Variants in RBFOX2 observed in about 807,000 individuals in gnomAD.
The protein encoded by RBFOX2 is RNA binding protein fox-1 homolog 2.
In RBFOX2, 10 loss-of-function variants were observed where a neutral mutation model predicts 49.1. The ratio of observed to expected loss-of-function variants is 0.20; its 90% CI spans 0.13 to 0.35. The LOEUF (loss-of-function observed/expected upper bound fraction) is 0.35, where lower values mean the gene tolerates loss of function less well. Among genes scored for constraint, RBFOX2 ranks in the 10% least tolerant of loss-of-function variants. The pLI, the probability that RBFOX2 is intolerant of heterozygous loss-of-function variation, is 1.00. For synonymous variants in RBFOX2, 183 were observed against 187.4 expected, an observed-to-expected ratio of 0.98 and a Z score of 0.19; for missense variants, 323 against 486.9, an observed-to-expected ratio of 0.66 and a Z score of 3.17.
chr22:35,924,756 T>C (rs905504466), intron 1 of RBFOX2, among the ~76,000 whole-genome samples: 3 of 152,246 alleles, frequency 2.0e-5, no homozygotes, highest in Admixed American at 2.0e-4. Context: ...ATTGGGCACA[T>C]ACTTTGTGCA....
chr22:35,979,757 G>A (rs925871434), intron 1 of RBFOX2, among the ~76,000 whole-genome samples: 1 of 152,120 alleles, frequency 6.6e-6, no homozygotes, highest in African/African-American at 2.4e-5. Context: ...GAATTTAAGA[G>A]TACAATGTCT....
rs758073095 is a variant in RBFOX2 at position 35,768,360 on chromosome 22, C to T, written c.454-11G>A. On this transcript the variant is annotated splice_polypyrimidine_tract_variant and intron_variant, in intron 4 of 11. Transcript: ENST00000405409. ...TACGAACCCGAATCCCTGCATGCAG[C>T]GGGAGAAGGGGGGAAAACATGCACA... 10 of 1,609,254 alleles carry T rather than the reference C, an allele frequency of 6.2e-6. No individual in the cohort carries two copies. In the Middle Eastern group the frequency reaches 6.6e-4, roughly 106 times the overall value.
chr22:35,914,771 C>T (rs1212696942), intron 1 of RBFOX2, among the ~76,000 whole-genome samples: 7 of 152,150 alleles, frequency 4.6e-5, no homozygotes, highest in Non-Finnish European at 1.0e-4. Context: ...GTCACCCGAT[C>T]CCCGGGGGTA....
At chr22:35,821,631 A>G (rs1309040670) in intron 1 of RBFOX2, among the ~76,000 whole-genome samples, 1 of 146,414 alleles carries the variant, frequency 6.8e-6, no homozygotes, top group Non-Finnish European at 1.5e-5. Flanking sequence ...AAAAAAAAAA[A>G]GCAGTAGTAT....
chr22:35,841,349 A>G (rs1047835889), upstream of RBFOX2, among the ~76,000 whole-genome samples: 21 of 152,204 alleles, frequency 1.4e-4, no homozygotes, highest in African/African-American at 5.1e-4. Context: ...ACTGACAATA[A>G]GAGTTTCTTT....
At chr22:35,961,789 G>T, upstream of RBFOX2, 1 of 1,141,214 alleles carries the variant, frequency 8.8e-7, no homozygotes, top group Non-Finnish European at 1.1e-6. Context: ...ACAGGAACCT[G>T]AGCTAAATTT....
chr22:35,995,171 T>C (rs1427629938), intron 1 of RBFOX2: 2 of 152,184 alleles, frequency 1.3e-5, no homozygotes, highest in Admixed American at 1.3e-4. Context: ...CATCAGAGTA[T>C]AGAGAACATC....
In RBFOX2 at chr22:35,974,651, C is replaced by T. The variant is rs180842913; in HGVS notation, c.187-35754G>A. Among the ~76,000 whole-genome samples the T allele has an allele frequency of 4.6e-5, 7 of 152,282 alleles. No homozygotes were observed. In the East Asian group the frequency reaches 1.2e-3, roughly 25 times the overall value. ...GTGGTGAGCCGAGATCGCACCACTG[C>T]ACTCCAACCTGGGTGACAGAGCGAG... is the stretch of plus-strand genomic sequence containing the variant. On this transcript the variant is annotated intron_variant, in intron 1 of 13. Transcript: ENST00000438146.
rs576449263 is a variant in RBFOX2 at position 35,988,218 on chromosome 22, G to C, written c.186+40022C>G. Among the ~76,000 whole-genome samples the C allele has an allele frequency of 3.9e-5, 6 of 152,180 alleles. No individual in the cohort carries two copies. In the South Asian group the frequency reaches 1.2e-3, roughly 32 times the overall value. ...GCGATCATTCACCCTGCAAATCTAG[G>C]ATCTATATTCCATACAGATAAGGTT... On this transcript the variant is annotated intron_variant, in intron 1 of 13. Transcript: ENST00000438146.
intron 1 of RBFOX2, among the ~76,000 whole-genome samples, chr22:35,951,932 G>A (rs2054989560): frequency 1.3e-5 from 2 of 152,208 alleles, no homozygotes; most frequent in South Asian, 4.1e-4. Context: ...AGGTCTGACT[G>A]CTAAGGTTGG....
intron 1 of RBFOX2, among the ~76,000 whole-genome samples, chr22:35,847,194 C>T (rs915140632): frequency 4.6e-5 from 7 of 152,060 alleles, no homozygotes; most frequent in East Asian, 3.9e-4. Flanking sequence ...CTAGGTTCTA[C>T]GAAAATTATA....
intron 1 of RBFOX2, among the ~76,000 whole-genome samples, chr22:35,871,039 G>C (rs2044295807): frequency 1.3e-5 from 2 of 152,096 alleles, no homozygotes; most frequent in Admixed American, 1.3e-4. Context: ...GTTTACTCTT[G>C]TCCTTGCTTC....
chr22:35,856,629 G>GAAA (rs796462267), intron 1 of RBFOX2, among the ~76,000 whole-genome samples: 2 of 135,264 alleles, frequency 1.5e-5, no homozygotes, highest in African/African-American at 5.4e-5. Flanking sequence ...GCCAGGAGGG[G>GAAA]AAAAAAAAAA....
chr22:35,979,196 T>C (rs2057341146), intron 1 of RBFOX2, among the ~76,000 whole-genome samples: 1 of 152,142 alleles, frequency 6.6e-6, no homozygotes, highest in African/African-American at 2.4e-5. Flanking sequence ...AGATCTAGAC[T>C]CTTCAAAATG....
exon 1 of RBFOX2, chr22:35,840,411 C>T: frequency 6.7e-7 from 1 of 1,484,838 alleles, no homozygotes; most frequent in Non-Finnish European, 8.9e-7. Context: ...CTGGCAGTCT[C>T]TCCCCCTCCT....
chr22:35,941,951 G>A (rs1293047898), upstream of RBFOX2, among the ~76,000 whole-genome samples: 1 of 152,080 alleles, frequency 6.6e-6, no homozygotes, highest in African/African-American at 2.4e-5. Context: ...CATTAATTTT[G>A]CGTGATTTTG....
chr22:35,999,063 C>A (rs1312816899), intron 1 of RBFOX2: 1 of 152,344 alleles, frequency 6.6e-6, no homozygotes, highest in African/African-American at 2.4e-5. Flanking sequence ...TGTCCCAGGC[C>A]AGCTCTGGAG....
chr22:35,971,329 A>G lies in RBFOX2; in HGVS notation c.187-32432T>C, dbSNP rs117350560. Among the ~76,000 whole-genome samples the G allele has an allele frequency of 8.4e-3, 1,277 of 152,332 alleles. 4 individuals are homozygous for G. Among genetic ancestry groups the G allele is most frequent in the Non-Finnish European group, 0.011 (759 of 68,038 alleles). On this transcript the variant is annotated intron_variant, in intron 1 of 13. Transcript: ENST00000438146. ...AAATAAACCATCCCCATGCAATGTTATATTTTGAACCATTCAGACAAGTGT... is the reference window on the plus strand; with the variant it reads ...AAATAAACCATCCCCATGCAATGTTGTATTTTGAACCATTCAGACAAGTGT...
At chr22:35,757,034 T>C (rs889929948) in intron 9 of RBFOX2, among the ~76,000 whole-genome samples, 1 of 152,122 alleles carries the variant, frequency 6.6e-6, no homozygotes, top group Non-Finnish European at 1.5e-5. Context: ...TTTTAAGGGT[T>C]CTTTTTTGAC....
Sources: allele counts gnomAD v4.1 joint callset (sites outside exome capture counted in the v4.1 genomes callset), GRCh38; gene constraint gnomAD v4.1.1; transcripts MANE v1.5; gene names NCBI Gene and HGNC (gene_info 2026-07-23, HGNC 2026-07-21).